MED12L: variants seen among roughly 807,000 people sequenced by gnomAD.
MED12L encodes mediator of RNA polymerase II transcription subunit 12-like protein.
In MED12L, 60 loss-of-function variants were observed where a neutral mutation model predicts 281.3. That is an observed-to-expected ratio of 0.21 (90% CI 0.17 to 0.26). MED12L has a LOEUF of 0.26. Ranked by LOEUF, MED12L falls within the 10% of genes least tolerant of loss-of-function variation. MED12L has a pLI of 1.00. For synonymous variants in MED12L, 974 were observed against 987.2 expected (o/e 0.99, Z 0.25); for missense variants, 2,146 against 2,680.9 (o/e 0.80, Z 4.41).
At chr3:151,092,179 C>G (rs1720138482) in intron 2 of MED12L, among the ~76,000 whole-genome samples, 1 of 152,222 alleles carries the variant, frequency 6.6e-6, no homozygotes, top group Non-Finnish European at 1.5e-5. Context: ...GTCCCTTGCT[C>G]CCTGCAGCAG....
intron 5 of MED12L, among the ~76,000 whole-genome samples, chr3:151,147,462 CA>C (rs2148894139): frequency 6.6e-6 from 1 of 152,332 alleles, no homozygotes; most frequent in African/African-American, 2.4e-5. Flanking sequence ...CTATTAACCA[CA>C]TTTTAGAACA....
At chr3:151,282,358 G>T (rs532793216) in intron 16 of MED12L, among the ~76,000 whole-genome samples, 2,488 of 149,290 alleles carry the variant, frequency 0.017, 64 homozygotes, top group African/African-American at 0.057. Context: ...GTTTTTTTTT[G>T]TTTTTTTTTG....
At chr3:151,195,465 C>T (rs1344827971) in intron 16 of MED12L, among the ~76,000 whole-genome samples, 2 of 151,780 alleles carry the variant, frequency 1.3e-5, no homozygotes, top group Admixed American at 6.6e-5. Flanking sequence ...TTTTCTATGT[C>T]CAGGGATATG....
chr3:151,121,840 C>T (rs988149457), intron 3 of MED12L, among the ~76,000 whole-genome samples: 7 of 151,598 alleles, frequency 4.6e-5, no homozygotes, highest in Non-Finnish European at 7.4e-5. Context: ...CTCAGCCTCC[C>T]GAGTAGGTGG....
Position 151,435,241 on chromosome 3 carries a change from CAGCTAT to C in MED12L, c.*2439_*2444del, listed in dbSNP as rs1720009857. The C allele has an allele frequency of 2.0e-5, 1 of 49,964 alleles. No homozygotes were observed. Among genetic ancestry groups the C allele is most frequent in the Middle Eastern group, 0.023 (1 of 44 alleles). 3.1% of individuals were successfully genotyped at this position (49,964 alleles called of 1,614,324 possible). ...ACAAGACCTTGAAATCAAATGGAGTCAGCTATACCTATCAATCAATCACAGTTCTTG... is the reference window on the plus strand; with the variant it reads ...ACAAGACCTTGAAATCAAATGGAGTCACCTATCAATCAATCACAGTTCTTG... On this transcript the variant is annotated 3_prime_UTR_variant, in exon 45 of 45. Coordinates refer to ENST00000687756, the MANE Select transcript of MED12L (RefSeq NM_001393769.1).
At chr3:151,214,098 AG>A in intron 16 of MED12L, 1 of 1,614,138 alleles carries the variant, frequency 6.2e-7, no homozygotes, top group Non-Finnish European at 8.5e-7. Flanking sequence ...TGAAAGGAAA[AG>A]TCAGGCTCAT....
chr3:151,192,749 A>G (rs775301871), intron 15 of MED12L, 95 bp downstream of exon 15: 11 of 781,024 alleles, frequency 1.4e-5, no homozygotes, highest in Non-Finnish European at 2.1e-5. Flanking sequence ...AATGACTTGC[A>G]CATTTGTGAT....
intron 16 of MED12L, among the ~76,000 whole-genome samples, chr3:151,242,601 C>T (rs1435120024): frequency 2.0e-5 from 3 of 152,266 alleles, no homozygotes; most frequent in East Asian, 3.9e-4. Flanking sequence ...CACATCCACA[C>T]CAAAAACCCA....
chr3:151,294,235 G>T, intron 16 of MED12L: 1 of 1,613,418 alleles, frequency 6.2e-7, no homozygotes, highest in Non-Finnish European at 8.5e-7. Flanking sequence ...GTGATCTGAT[G>T]CTTTCACTCC....
chr3:151,392,748 C>A (rs889334630), intron 38 of MED12L, among the ~76,000 whole-genome samples: 1 of 152,012 alleles, frequency 6.6e-6, no homozygotes, highest in South Asian at 2.1e-4. Flanking sequence ...ATAGTAAACT[C>A]CAGATTCAGA....
chr3:151,114,888 A>T (rs544932316), intron 2 of MED12L, among the ~76,000 whole-genome samples: 22 of 152,086 alleles, frequency 1.4e-4, no homozygotes, highest in African/African-American at 4.1e-4. Flanking sequence ...TTTTTAGACC[A>T]CATTTTCATG....
In MED12L at chr3:151,182,339, C is replaced by CCG. The variant is rs575788259; in HGVS notation, c.1495-2991_1495-2990insCG. The stretch of plus-strand genomic sequence containing the variant: ...CATAGGATTTCTGTAAGTGGGCCTG[C>CCG]TGAGTGGCTTTATTCATGATGTTCC... On this transcript the variant is annotated intron_variant, in intron 11 of 44. Coordinates refer to ENST00000687756, the MANE Select transcript of MED12L (RefSeq NM_001393769.1). Among the ~76,000 whole-genome samples, 75 of 151,988 alleles carry CCG rather than the reference C, an allele frequency of 4.9e-4. 1 individual carries two copies. Among genetic ancestry groups the CCG allele is most frequent in the African/African-American group, 1.7e-3 (71 of 41,404 alleles).
chr3:151,247,867 C>T (rs1735979770), intron 16 of MED12L, among the ~76,000 whole-genome samples: 1 of 151,628 alleles, frequency 6.6e-6, no homozygotes, highest in Non-Finnish European at 1.5e-5. Context: ...AAAAGCTCTG[C>T]CTTCCCTTAG....
At chr3:151,213,280 C>A in intron 16 of MED12L, 1 of 1,559,744 alleles carries the variant, frequency 6.4e-7, no homozygotes, top group East Asian at 2.2e-5. Context: ...CGTGGTCTTT[C>A]TTTGGAAGAG....
intron 11 of MED12L, among the ~76,000 whole-genome samples, chr3:151,168,849 G>A (rs541426091): frequency 2.0e-4 from 31 of 152,168 alleles, no homozygotes; most frequent in Non-Finnish European, 3.2e-4. Context: ...GGGATTATAG[G>A]TACATACTAC....
At chr3:151,182,998 C>T (rs577130691) in intron 11 of MED12L, among the ~76,000 whole-genome samples, 26 of 151,930 alleles carry the variant, frequency 1.7e-4, no homozygotes, top group Non-Finnish European at 3.5e-4. Flanking sequence ...GATGTTATAC[C>T]CCAAGGCTTC....
chr3:151,258,185 C>T (rs1350226578), intron 16 of MED12L, among the ~76,000 whole-genome samples: 1 of 152,082 alleles, frequency 6.6e-6, no homozygotes, highest in Non-Finnish European at 1.5e-5. Context: ...GGTATGAGAC[C>T]ACTGTGAGAT....
intron 16 of MED12L, among the ~76,000 whole-genome samples, chr3:151,344,710 A>G (rs1010029366): frequency 6.6e-6 from 1 of 152,180 alleles, no homozygotes; most frequent in Non-Finnish European, 1.5e-5. Context: ...AATTACATCC[A>G]CTTCATCTGT....
At chr3:151,321,908 A>G (rs1362101437) in intron 16 of MED12L, among the ~76,000 whole-genome samples, 1 of 150,534 alleles carries the variant, frequency 6.6e-6, no homozygotes, top group Non-Finnish European at 1.5e-5. Context: ...TTCCCATCTT[A>G]TTTTTTTCTA....
Sources: gnomAD v4.1 joint callset for allele counts (sites outside exome capture counted in the v4.1 genomes callset) on GRCh38, gnomAD v4.1.1 for gene constraint, MANE v1.5 for transcripts, NCBI Gene and HGNC (gene_info 2026-07-23, HGNC 2026-07-21) for gene names.